The following KIF26B variants were observed in gnomAD, a reference collection of about 807,000 sequenced individuals.
KIF26B encodes kinesin-like protein KIF26B.
In KIF26B, 63 loss-of-function variants were observed where a neutral mutation model predicts 151.2. The ratio of observed to expected loss-of-function variants is 0.42; its 90% CI spans 0.34 to 0.51. The LOEUF is 0.51. KIF26B is among the 20% of genes least tolerant of loss of function. KIF26B has a pLI of 0.07. For synonymous variants in KIF26B, 1,357 were observed against 1,262.1 expected, an observed-to-expected ratio of 1.08 and a Z score of -1.59; for missense variants, 2,813 against 2,913.6, an observed-to-expected ratio of 0.97 and a Z score of 0.79.
Position 245,706,049 on chromosome 1 carries a change from G to C in KIF26B, c.*3443G>C, listed in dbSNP as rs2044836938. 6.6e-6 allele frequency: 1 copy of C among 152,222 alleles called. No individual in the cohort carries two copies. Among genetic ancestry groups the C allele is most frequent in the Non-Finnish European group, 1.5e-5 (1 of 68,038 alleles). The allele number at this position is 152,222 out of a possible 1,614,324, so 9.4% of individuals were successfully genotyped here. A position where few individuals can be genotyped will look rare whatever the true frequency, so the allele number is the denominator to read the frequency against. ...GCTGGAGAAGGGGCTCCTCTCATGA[G>C]AAGCTGGGGTAAACAGCCAGGCATC... On this transcript the variant is annotated 3_prime_UTR_variant, in exon 15 of 15. Coordinates refer to ENST00000407071, the MANE Select transcript of KIF26B (RefSeq NM_018012.4).
intron 5 of KIF26B, among the ~76,000 whole-genome samples, chr1:245,573,094 A>G (rs769361331): frequency 1.3e-5 from 2 of 152,208 alleles, no homozygotes; most frequent in Non-Finnish European, 2.9e-5. Context: ...AAGAAAACAG[A>G]CCAGAAACAA....
At chr1:245,382,554 T>TGTGTG (rs77670953) in intron 3 of KIF26B, among the ~76,000 whole-genome samples, 1,962 of 149,966 alleles carry the variant, frequency 0.013, 40 homozygotes, top group African/African-American at 0.046. Context: ...TGTGTGTGTG[T>TGTGTG]TTTGTTTCTT....
intron 2 of KIF26B, among the ~76,000 whole-genome samples, chr1:245,188,114 T>C (rs1558338545): frequency 6.6e-6 from 1 of 151,870 alleles, no homozygotes; most frequent in Non-Finnish European, 1.5e-5. Flanking sequence ...ACCCCATCTC[T>C]ACTAAAAATA....
At chr1:245,295,039 C>T (rs1054893079) in intron 2 of KIF26B, among the ~76,000 whole-genome samples, 3 of 152,104 alleles carry the variant, frequency 2.0e-5, no homozygotes, top group Admixed American at 1.3e-4. Context: ...AAAGTACATC[C>T]TAGTCTCTTT....
In KIF26B at chr1:245,259,735, C is replaced by T. The variant is rs555291336; in HGVS notation, c.465+103052C>T. On this transcript the variant is annotated intron_variant, in intron 2 of 14. Transcript: ENST00000407071. ...TCGCTTGAGCTCAGGAGTTCAAGAC[C>T]AGGCTGGGCCACATGGCAAAATGCT... 1.5e-3 allele frequency among the ~76,000 whole-genome samples: 230 copies of T among 152,040 alleles called. 3 individuals are homozygous for T. Among genetic ancestry groups the T allele is most frequent in the Non-Finnish European group, 2.0e-3 (138 of 67,954 alleles).
At chr1:245,202,999 A>T (rs1472509734) in intron 2 of KIF26B, among the ~76,000 whole-genome samples, 1 of 151,552 alleles carries the variant, frequency 6.6e-6, no homozygotes, top group Non-Finnish European at 1.5e-5. Flanking sequence ...TCATGCCTGT[A>T]ATCCCAGCAC....
At chr1:245,440,017 C>A (rs566179845) in intron 4 of KIF26B, among the ~76,000 whole-genome samples, 1 of 152,104 alleles carries the variant, frequency 6.6e-6, no homozygotes, top group South Asian at 2.1e-4. Flanking sequence ...GTGAGGAGAT[C>A]GAGACCATCC....
intron 2 of KIF26B, among the ~76,000 whole-genome samples, chr1:245,237,063 G>A (rs1670123379): frequency 6.6e-6 from 1 of 152,220 alleles, no homozygotes; most frequent in Non-Finnish European, 1.5e-5. Context: ...CTGCAATGAA[G>A]ATCGTGGTGT....
chr1:245,316,516 A>G (rs371222378), intron 2 of KIF26B, among the ~76,000 whole-genome samples: 3 of 152,282 alleles, frequency 2.0e-5, no homozygotes, highest in South Asian at 4.1e-4. Context: ...CCGAAGGTGA[A>G]AATCCACCTC....
intron 4 of KIF26B, among the ~76,000 whole-genome samples, chr1:245,448,007 G>A (rs1373509937): frequency 6.6e-6 from 1 of 152,182 alleles, no homozygotes; most frequent in Non-Finnish European, 1.5e-5. Context: ...GTTTTACTGG[G>A]TGAAGCCAAG....
intron 10 of KIF26B, among the ~76,000 whole-genome samples, chr1:245,680,271 ATGTTTTAC>A (rs1035084172): frequency 6.6e-6 from 1 of 152,058 alleles, no homozygotes; most frequent in Non-Finnish European, 1.5e-5. Context: ...TCTATGCACC[ATGTTTTAC>A]TCCCCAAAGG....
At chr1:245,390,921 C>CAAAAAAAAAAAAAAAAAAAAAAAAAAAA (rs796799193) in intron 3 of KIF26B, among the ~76,000 whole-genome samples, 1 of 13,438 alleles carries the variant, frequency 7.4e-5, no homozygotes, top group Non-Finnish European at 1.1e-4. Context: ...GACCCTGTCT[C>CAAAAAAAAAAAAAAAAAAAAAAAAAAAA]AAAAAAAAAA....
rs560479615 is a variant in KIF26B, at chr1:245,309,094, A to G, written c.466-57740A>G. On this transcript the variant is annotated intron_variant, in intron 2 of 14. Coordinates refer to ENST00000407071, the MANE Select transcript of KIF26B (RefSeq NM_018012.4). Reference sequence around the variant, plus strand: ...ATGGACAATCAGGACATTCTAGCAAATGTGCATTGTGCTCTAGAGGGGTGT... The same window carrying G: ...ATGGACAATCAGGACATTCTAGCAAGTGTGCATTGTGCTCTAGAGGGGTGT... Among the ~76,000 whole-genome samples, 5 of 152,290 alleles carry G rather than the reference A, an allele frequency of 3.3e-5. No individual in the cohort carries two copies. In the South Asian group the frequency reaches 1.0e-3, roughly 32 times the overall value.
chr1:245,402,351 T>A (rs926088719), intron 3 of KIF26B, among the ~76,000 whole-genome samples: 8 of 152,222 alleles, frequency 5.3e-5, no homozygotes, highest in African/African-American at 9.6e-5. Context: ...GAGTCCCTCC[T>A]GTCTGCAAGG....
chr1:245,424,040 A>G (rs1380139297), intron 4 of KIF26B, among the ~76,000 whole-genome samples: 1 of 151,964 alleles, frequency 6.6e-6, no homozygotes, highest in Non-Finnish European at 1.5e-5. Flanking sequence ...GAGTCTCCCT[A>G]TGTTTGTTGC....
In KIF26B at chr1:245,170,561, C is replaced by T. The variant is rs139837006; in HGVS notation, c.465+13878C>T. Among the ~76,000 whole-genome samples, 254 of 152,302 alleles carry T rather than the reference C, an allele frequency of 1.7e-3. 1 individual carries two copies. The highest frequency in any genetic ancestry group is 5.8e-3 in the African/African-American group (242 of 41,568). On this transcript the variant is annotated intron_variant, in intron 2 of 14. Coordinates refer to ENST00000407071, the MANE Select transcript of KIF26B (RefSeq NM_018012.4). This position sits in a 1 kb window ranked among gnomAD's most constrained non-coding sequence, Gnocchi z 4.4. Reference sequence around the variant, plus strand: ...AAACAACAGAAATACTGATTTCTCACGGTTCTGGAGGCTGGGAATTCTGAG... The same window carrying T: ...AAACAACAGAAATACTGATTTCTCATGGTTCTGGAGGCTGGGAATTCTGAG...
rs2044537497 is a variant in KIF26B, at chr1:245,687,102, C to T, written c.4119C>T (p.Ser1373=). The T allele has an allele frequency of 5.0e-6, 8 of 1,613,336 alleles. No homozygotes were observed. Among genetic ancestry groups the T allele is most frequent in the Non-Finnish European group, 6.8e-6 (8 of 1,179,858 alleles). Residue 1373 remains serine, a synonymous_variant, in exon 12 of 15, where the codon TCC becomes TCT. Coordinates refer to ENST00000407071, the MANE Select transcript of KIF26B (RefSeq NM_018012.4). This position sits in a 1 kb window ranked among gnomAD's most constrained non-coding sequence, Gnocchi z 4.9. ...TGAGCAAGGCCATGGTCACCATCTC[C>T]AACACGGCCAATCTGAGCAGCTGCG... The part of the protein sequence containing the change: ...STVSKAMVTI[S]NTANLSSCEG...
At chr1:245,661,019 C>T (rs947583561) in intron 10 of KIF26B, among the ~76,000 whole-genome samples, 21 of 148,540 alleles carry the variant, frequency 1.4e-4, no homozygotes, top group Non-Finnish European at 2.1e-4. Flanking sequence ...CAGAGTCTCA[C>T]TCTGTTGTCC....
At chr1:245,405,627 T>TTG (rs1553271503) in intron 3 of KIF26B, among the ~76,000 whole-genome samples, 1 of 151,606 alleles carries the variant, frequency 6.6e-6, no homozygotes, top group African/African-American at 2.4e-5. Flanking sequence ...TGATGTTGTT[T>TTG]TTTTTTTTTG....
Sources: allele counts gnomAD v4.1 joint callset (sites outside exome capture counted in the v4.1 genomes callset), GRCh38; gene constraint gnomAD v4.1.1; non-coding constraint Gnocchi (gnomAD v3.1); transcripts MANE v1.5; gene names NCBI Gene and HGNC (gene_info 2026-07-23, HGNC 2026-07-21).